Variants in SPAG16 observed in about 807,000 individuals in gnomAD.
SPAG16 encodes the protein sperm associated antigen 16.
SPAG16 carries 86 observed loss-of-function variants against 80.4 expected under a neutral mutation model. The ratio of observed to expected loss-of-function variants is 1.07; its 90% CI spans 0.90 to 1.28. SPAG16 has a LOEUF of 1.28. Among genes scored for constraint, SPAG16 ranks in the 50% most tolerant of loss-of-function variants. The pLI is 0.00. For missense variants in SPAG16, 870 were observed against 765.3 expected, an observed-to-expected ratio of 1.14 and a Z score of -1.61; for synonymous variants, 294 against 265.9, an observed-to-expected ratio of 1.11 and a Z score of -1.03.
At chr2:213,833,504 TTATATATA>T (rs2073852360) in intron 10 of SPAG16, among the ~76,000 whole-genome samples, 1 of 1,376 alleles carries the variant, frequency 7.3e-4, no homozygotes, top group African/African-American at 1.4e-3. Context: ...AATATATATA[TTATATATA>T]ATATATATAA....
intron 10 of SPAG16, among the ~76,000 whole-genome samples, chr2:213,521,512 C>T (rs1646837333): frequency 6.6e-6 from 1 of 152,178 alleles, no homozygotes; most frequent in Admixed American, 6.5e-5. Flanking sequence ...CTCCACAATG[C>T]CAGTGGACCC....
At chr2:214,218,039 C>T (rs186207287) in intron 15 of SPAG16, among the ~76,000 whole-genome samples, 1 of 152,288 alleles carries the variant, frequency 6.6e-6, no homozygotes, top group Admixed American at 6.5e-5. Flanking sequence ...AAACTCACTA[C>T]ATCCCAGCAT....
At chr2:213,363,750 A>G (rs1319208830) in intron 7 of SPAG16, among the ~76,000 whole-genome samples, 1 of 152,128 alleles carries the variant, frequency 6.6e-6, no homozygotes, top group Non-Finnish European at 1.5e-5. Flanking sequence ...CAATTTGAAC[A>G]GAGGAAAAAC....
intron 15 of SPAG16, among the ~76,000 whole-genome samples, chr2:214,278,200 A>G (rs1031386008): frequency 7.2e-5 from 11 of 151,860 alleles, no homozygotes; most frequent in Admixed American, 4.6e-4. Flanking sequence ...GGAGTGCCCC[A>G]TTTTTCCAGG....
At chr2:214,219,748 T>G (rs955583676) in intron 15 of SPAG16, among the ~76,000 whole-genome samples, 8 of 152,140 alleles carry the variant, frequency 5.3e-5, no homozygotes, top group Non-Finnish European at 5.9e-5. Context: ...AGTTTCTCTG[T>G]GTCTGTGTGT....
intron 14 of SPAG16, among the ~76,000 whole-genome samples, chr2:214,114,266 G>C (rs937532539): frequency 2.0e-5 from 3 of 152,186 alleles, no homozygotes; most frequent in Non-Finnish European, 2.9e-5. Flanking sequence ...GTGTCTCCCA[G>C]TTAGGCTACA....
At chr2:214,287,633 A>T (rs1693461972) in intron 15 of SPAG16, among the ~76,000 whole-genome samples, 1 of 152,220 alleles carries the variant, frequency 6.6e-6, no homozygotes, top group Admixed American at 6.5e-5. Flanking sequence ...TTTTTCTATC[A>T]ATCATTACAA....
At chr2:213,778,190 G>A (rs1055387134) in intron 10 of SPAG16, among the ~76,000 whole-genome samples, 5 of 150,986 alleles carry the variant, frequency 3.3e-5, no homozygotes, top group African/African-American at 9.7e-5. Flanking sequence ...CAAATCACAC[G>A]ATGATTGTCA....
At chr2:214,199,975 G>A (rs989672344) in intron 15 of SPAG16, among the ~76,000 whole-genome samples, 9 of 152,132 alleles carry the variant, frequency 5.9e-5, no homozygotes, top group East Asian at 1.9e-4. Context: ...TACAGAATTC[G>A]CTGATCAGAT....
At chr2:214,212,743 A>C (rs67407044) in intron 15 of SPAG16, among the ~76,000 whole-genome samples, 53,012 of 152,188 alleles carry the variant, frequency 0.35, 11,204 homozygotes, top group South Asian at 0.56. Flanking sequence ...TGAACCAAAA[A>C]AGTCTTTCTT....
At chr2:213,983,168 A>G (rs1489198453) in intron 12 of SPAG16, among the ~76,000 whole-genome samples, 11 of 151,988 alleles carry the variant, frequency 7.2e-5, no homozygotes. Flanking sequence ...TGATTTGTAA[A>G]AAAGAACTGC....
At chr2:214,285,766 A>G (rs1432674421) in intron 15 of SPAG16, among the ~76,000 whole-genome samples, 1 of 152,080 alleles carries the variant, frequency 6.6e-6, no homozygotes, top group Non-Finnish European at 1.5e-5. Context: ...TCACACCACT[A>G]CACTCCAGCC....
chr2:213,468,187 G>T, intron 9 of SPAG16, among the ~76,000 whole-genome samples: 1 of 151,904 alleles, frequency 6.6e-6, no homozygotes. Flanking sequence ...TCTCCAGAAA[G>T]GAAATGGGTC....
intron 10 of SPAG16, among the ~76,000 whole-genome samples, chr2:213,637,923 A>T (rs940325549): frequency 3.9e-5 from 6 of 151,928 alleles, no homozygotes; most frequent in Admixed American, 1.3e-4. Context: ...CGCCCAGCTA[A>T]TTTTTTGTAT....
chr2:213,880,617 T>C (rs935298434), intron 11 of SPAG16, among the ~76,000 whole-genome samples: 8 of 152,204 alleles, frequency 5.3e-5, no homozygotes, highest in African/African-American at 1.9e-4. Flanking sequence ...GGTCTTAACA[T>C]TTAATTCTTT....
chr2:214,350,641 A>G (rs1349476647), intron 15 of SPAG16, among the ~76,000 whole-genome samples: 1 of 152,120 alleles, frequency 6.6e-6, no homozygotes, highest in East Asian at 1.9e-4. Context: ...AATGGTGTGT[A>G]TTTCCCCAGG....
In SPAG16 at chr2:213,985,294, T is replaced by G. The variant is rs554700214; in HGVS notation, c.1401-28657T>G. Among the ~76,000 whole-genome samples the G allele has an allele frequency of 1.5e-4, 23 of 152,232 alleles. No individual in the cohort carries two copies. In the East Asian group the frequency reaches 4.2e-3, roughly 28 times the overall value. ...TCTTTTGTAATAAATTTTCTGTGTC[T>G]AAAAATAGTTTGAATTTTTAAAGTT... is the stretch of plus-strand genomic sequence containing the variant. On this transcript the variant is annotated intron_variant, in intron 12 of 15. Transcript: ENST00000331683.
At chr2:213,493,414 G>A (rs529900689) in intron 10 of SPAG16, among the ~76,000 whole-genome samples, 2 of 152,120 alleles carry the variant, frequency 1.3e-5, no homozygotes, top group Non-Finnish European at 2.9e-5. Flanking sequence ...TTTTCATAGA[G>A]TATGGTTTCA....
chr2:213,799,550 A>C (rs911440616), intron 10 of SPAG16, among the ~76,000 whole-genome samples: 30 of 152,132 alleles, frequency 2.0e-4, no homozygotes, highest in Non-Finnish European at 2.9e-4. Context: ...AATAATTCTG[A>C]CATTCTGATG....
Sources: allele counts gnomAD v4.1 joint callset (sites outside exome capture counted in the v4.1 genomes callset), GRCh38; gene constraint gnomAD v4.1.1; transcripts MANE v1.5; gene names NCBI Gene and HGNC (gene_info 2026-07-23, HGNC 2026-07-21).